FMNL2: variants seen among roughly 807,000 people sequenced by gnomAD.
FMNL2 encodes formin-like protein 2.
In FMNL2, 51 loss-of-function variants were observed where a neutral mutation model predicts 130.2. The ratio of observed to expected loss-of-function variants is 0.39; its 90% CI spans 0.31 to 0.49. FMNL2 has a LOEUF of 0.49. Among genes scored for constraint, FMNL2 ranks in the 20% least tolerant of loss-of-function variants. The pLI is 0.85. For synonymous variants in FMNL2, 465 were observed against 467.1 expected (o/e 1.00, Z 0.06); for missense variants, 977 against 1,316.2 (o/e 0.74, Z 3.99).
chr2:152,474,229 G>A (rs1188952267), intron 1 of FMNL2, among the ~76,000 whole-genome samples: 1 of 152,152 alleles, frequency 6.6e-6, no homozygotes, highest in Non-Finnish European at 1.5e-5. Context: ...TGCTTACCCA[G>A]TGTTACCTGC....
chr2:152,578,635 TCAAGCTGTACCCCCCGCCTCAGCCTC>T lies in FMNL2; in HGVS notation c.706-251_706-226del, dbSNP rs1057313806. 15 of 236,672 alleles carry T rather than the reference TCAAGCTGTACCCCCCGCCTCAGCCTC, an allele frequency of 6.3e-5. No individual in the cohort carries two copies. The Admixed American group carries it at 7.8e-4, about 12-fold the overall frequency. 14.7% of individuals were successfully genotyped at this position (236,672 alleles called of 1,614,324 possible). On this transcript the variant is annotated intron_variant, in intron 7 of 25. Coordinates refer to ENST00000288670, the MANE Select transcript of FMNL2 (RefSeq NM_052905.4). ...AGATGTGGGTCTTGTTGTCCTGGAC[TCAAGCTGTACCCCCCGCCTCAGCCTC>T]CTGAGTAGCTGGGACTGGAGGCACA...
intron 1 of FMNL2, among the ~76,000 whole-genome samples, chr2:152,443,198 T>G (rs1688157241): frequency 6.6e-6 from 1 of 152,132 alleles, no homozygotes; most frequent in Non-Finnish European, 1.5e-5. Context: ...TGCCATTCAC[T>G]GAAATAGGGA....
intron 12 of FMNL2, among the ~76,000 whole-genome samples, chr2:152,615,968 C>T (rs190706041): frequency 4.6e-5 from 7 of 152,262 alleles, no homozygotes; most frequent in South Asian, 4.2e-4. Flanking sequence ...TTAAAAGTGC[C>T]GCTATGACCC....
chr2:152,484,443 C>T (rs1467928276), intron 1 of FMNL2, among the ~76,000 whole-genome samples: 1 of 151,018 alleles, frequency 6.6e-6, no homozygotes, highest in African/African-American at 2.4e-5. Flanking sequence ...AGTTTGAGAG[C>T]AGCCTGGCCA....
intron 2 of FMNL2, among the ~76,000 whole-genome samples, chr2:152,527,986 G>T (rs1693481076): frequency 6.6e-6 from 1 of 152,076 alleles, no homozygotes; most frequent in Non-Finnish European, 1.5e-5. Flanking sequence ...GCTTCTCAGT[G>T]TAAGTTTCTA....
At chr2:152,590,092 C>T (rs1697349590) in intron 9 of FMNL2, among the ~76,000 whole-genome samples, 1 of 148,596 alleles carries the variant, frequency 6.7e-6, no homozygotes, top group Admixed American at 6.7e-5. Flanking sequence ...TGCTATGTTG[C>T]CCAGGCTCAT....
chr2:152,598,380 C>T (rs1456467983), intron 9 of FMNL2, among the ~76,000 whole-genome samples: 1 of 152,216 alleles, frequency 6.6e-6, no homozygotes, highest in Non-Finnish European at 1.5e-5. Flanking sequence ...ATGTAATCCT[C>T]AGGTGGCTAT....
chr2:152,616,009 C>T (rs1444443934), intron 12 of FMNL2, among the ~76,000 whole-genome samples: 1 of 152,180 alleles, frequency 6.6e-6, no homozygotes, highest in Non-Finnish European at 1.5e-5. Context: ...GAGAATTTTA[C>T]AGGCCCAGTA....
intron 1 of FMNL2, among the ~76,000 whole-genome samples, chr2:152,350,136 G>A (rs372135392): frequency 1.3e-5 from 2 of 152,298 alleles, no homozygotes; most frequent in Non-Finnish European, 2.9e-5. Context: ...TCCCGATAAG[G>A]TCTGAGTGAG....
chr2:152,556,485 G>T (rs1454193747), intron 4 of FMNL2, among the ~76,000 whole-genome samples: 2 of 152,198 alleles, frequency 1.3e-5, no homozygotes, highest in Admixed American at 6.5e-5. Flanking sequence ...GGTGATGGGG[G>T]CATGGATAAG....
intron 9 of FMNL2, among the ~76,000 whole-genome samples, chr2:152,585,929 A>G (rs1697048698): frequency 6.6e-6 from 1 of 152,064 alleles, no homozygotes; most frequent in Admixed American, 6.6e-5. Context: ...GCAAAAAAAA[A>G]AAAAAAAAAT....
chr2:152,399,205 T>G (rs1685553034), intron 1 of FMNL2, among the ~76,000 whole-genome samples: 1 of 152,144 alleles, frequency 6.6e-6, no homozygotes. Context: ...CACGTGGCAG[T>G]GGTGGAGGCT....
rs113143468 is a variant in FMNL2, at chr2:152,591,678, C to T, written c.876+10629C>T. Reference sequence around the variant, plus strand: ...AAAATTAGCCAGGCATGTTGGTGCACGCTTGTGGTCCCCGGTACTCAGGAG... The same window carrying T: ...AAAATTAGCCAGGCATGTTGGTGCATGCTTGTGGTCCCCGGTACTCAGGAG... On this transcript the variant is annotated intron_variant, in intron 9 of 25. Coordinates refer to ENST00000288670, the MANE Select transcript of FMNL2 (RefSeq NM_052905.4). Among the ~76,000 whole-genome samples the T allele has an allele frequency of 2.2e-3, 333 of 152,258 alleles. 4 individuals are homozygous for T. The highest frequency in any genetic ancestry group is 7.5e-3 in the African/African-American group (311 of 41,538).
intron 1 of FMNL2, among the ~76,000 whole-genome samples, chr2:152,486,296 C>T (rs1690826133): frequency 6.6e-6 from 1 of 152,222 alleles, no homozygotes; most frequent in South Asian, 2.1e-4. Context: ...AAGCTTCCTG[C>T]TACCCTCTGT....
chr2:152,337,240 G>T (rs1681524848), intron 1 of FMNL2, among the ~76,000 whole-genome samples: 1 of 152,112 alleles, frequency 6.6e-6, no homozygotes, highest in Non-Finnish European at 1.5e-5. Flanking sequence ...CTCTCAAGGC[G>T]GCCTGGGTGC....
intron 1 of FMNL2, among the ~76,000 whole-genome samples, chr2:152,383,404 T>C (rs919732307): frequency 2.0e-5 from 3 of 151,856 alleles, no homozygotes; most frequent in Non-Finnish European, 4.4e-5. Context: ...ATTGTAATGC[T>C]AATTGTCTTC....
At chr2:152,348,818 G>GTTTTTTTTTT (rs1244621847) in intron 1 of FMNL2, among the ~76,000 whole-genome samples, 3 of 71,830 alleles carry the variant, frequency 4.2e-5, no homozygotes, top group African/African-American at 1.2e-4. Flanking sequence ...GCTTCTAAGG[G>GTTTTTTTTTT]TTTTTTTTTT....
chr2:152,598,647 G>A (rs1019568473), intron 9 of FMNL2, among the ~76,000 whole-genome samples: 4 of 119,602 alleles, frequency 3.3e-5, no homozygotes, highest in Non-Finnish European at 6.3e-5. Context: ...CCAAGATTGC[G>A]CCACTGCACT....
intron 11 of FMNL2, 143 bp downstream of exon 11, chr2:152,611,748 C>G (rs1329356888): frequency 1.8e-6 from 1 of 564,310 alleles, no homozygotes; most frequent in Non-Finnish European, 3.2e-6. Context: ...GGGAACTGAG[C>G]TGAGTGATGT....
Sources: allele counts gnomAD v4.1 joint callset (sites outside exome capture counted in the v4.1 genomes callset), GRCh38; gene constraint gnomAD v4.1.1; transcripts MANE v1.5; gene names NCBI Gene and HGNC (gene_info 2026-07-23, HGNC 2026-07-21).